Variants in SAMMSON observed in about 807,000 individuals in gnomAD.
SAMMSON encodes the protein long intergenic non-protein coding RNA 1212.
intron 4 of SAMMSON, among the ~76,000 whole-genome samples, chr3:70,170,826 T>G (rs1195854465): frequency 6.6e-6 from 1 of 151,892 alleles, no homozygotes; most frequent in African/African-American, 2.4e-5. Context: ...GATGTTTTGG[T>G]GATCTGCAAT....
intron 2 of SAMMSON, among the ~76,000 whole-genome samples, chr3:70,401,027 A>G (rs1428964940): frequency 1.3e-5 from 2 of 152,198 alleles, no homozygotes; most frequent in Admixed American, 6.6e-5. Context: ...TTTATAGTAC[A>G]GTTTAAGACT....
At chr3:70,088,369 A>C (rs2067293153) in intron 4 of SAMMSON, among the ~76,000 whole-genome samples, 1 of 152,178 alleles carries the variant, frequency 6.6e-6, no homozygotes, top group African/African-American at 2.4e-5. Context: ...AGAGTGGATT[A>C]AGGGATAGTT....
chr3:70,382,667 A>G (rs1703081786), intron 9 of SAMMSON, among the ~76,000 whole-genome samples: 1 of 151,896 alleles, frequency 6.6e-6, no homozygotes, highest in African/African-American at 2.4e-5. Flanking sequence ...CTTGTTTAGT[A>G]ATTTAGTTTA....
At chr3:70,406,491 A>T (rs1184557237) in intron 2 of SAMMSON, among the ~76,000 whole-genome samples, 2 of 152,176 alleles carry the variant, frequency 1.3e-5, no homozygotes, top group Admixed American at 1.3e-4. Flanking sequence ...AACATTTTTT[A>T]AAAAGATAGT....
chr3:70,052,432 T>G (rs2067150121), intron 3 of SAMMSON, among the ~76,000 whole-genome samples: 1 of 151,992 alleles, frequency 6.6e-6, no homozygotes, highest in African/African-American at 2.4e-5. Context: ...TAGAAAAAAA[T>G]GGGAGAGTAA....
chr3:70,069,971 G>T (rs554048238), intron 3 of SAMMSON: 18 of 152,148 alleles, frequency 1.2e-4, no homozygotes, highest in African/African-American at 3.6e-4. Flanking sequence ...ACTTCCTTCT[G>T]ATCTGAGTCA....
intron 7 of SAMMSON, among the ~76,000 whole-genome samples, chr3:70,331,516 A>T (rs1702621239): frequency 6.6e-6 from 1 of 152,204 alleles, no homozygotes; most frequent in African/African-American, 2.4e-5. Flanking sequence ...AGCTCTTGAC[A>T]CCTCACTGTA....
At chr3:70,297,661 G>A (rs1357728883) in intron 7 of SAMMSON, among the ~76,000 whole-genome samples, 3 of 152,010 alleles carry the variant, frequency 2.0e-5, no homozygotes, top group Non-Finnish European at 4.4e-5. Flanking sequence ...CCTCCCTTAT[G>A]TAAAACGAGG....
chr3:70,283,796 A>G (rs1420104145), intron 6 of SAMMSON: 2 of 151,984 alleles, frequency 1.3e-5, no homozygotes, highest in Non-Finnish European at 2.9e-5. Context: ...GAGAGAGAAG[A>G]AAAAGAAAAA....
chr3:70,251,180 T>C (rs1348018383), intron 6 of SAMMSON, among the ~76,000 whole-genome samples: 1 of 152,196 alleles, frequency 6.6e-6, no homozygotes, highest in African/African-American at 2.4e-5. Context: ...GCCCACATCT[T>C]TGGAGACAGA....
intron 7 of SAMMSON, among the ~76,000 whole-genome samples, chr3:70,314,077 C>G (rs1702478204): frequency 6.6e-6 from 1 of 152,100 alleles, no homozygotes; most frequent in South Asian, 2.1e-4. Flanking sequence ...ATGATCTTAC[C>G]CTTCTCTGAT....
chr3:70,207,411 A>G (rs1285925455), intron 4 of SAMMSON, among the ~76,000 whole-genome samples: 3 of 151,974 alleles, frequency 2.0e-5, no homozygotes, highest in Non-Finnish European at 4.4e-5. Context: ...AACATGCTTT[A>G]TTTCCACATA....
intron 9 of SAMMSON, among the ~76,000 whole-genome samples, chr3:70,371,071 G>A (rs1246263409): frequency 1.3e-5 from 2 of 152,036 alleles, no homozygotes; most frequent in African/African-American, 4.8e-5. Flanking sequence ...TGAAGAGGAT[G>A]TCCTTTCCCC....
At chr3:70,187,538 C>G (rs1050446342) in intron 4 of SAMMSON, among the ~76,000 whole-genome samples, 1 of 148,572 alleles carries the variant, frequency 6.7e-6, no homozygotes, top group African/African-American at 2.5e-5. Context: ...CCCGGGTTCA[C>G]GCCATTCTCC....
chr3:70,070,940 G>T (rs1473552514), intron 3 of SAMMSON, among the ~76,000 whole-genome samples: 2 of 151,856 alleles, frequency 1.3e-5, no homozygotes, highest in East Asian at 3.9e-4. Context: ...CTTAAAAAGG[G>T]GTTAAATTTT....
At chr3:70,279,936 T>C (rs955414916) in intron 6 of SAMMSON, among the ~76,000 whole-genome samples, 4 of 152,172 alleles carry the variant, frequency 2.6e-5, no homozygotes, top group African/African-American at 9.7e-5. Flanking sequence ...GATCCTGTCT[T>C]TGCTCCATTA....
chr3:70,344,124 C>A (rs1184603501), intron 7 of SAMMSON, among the ~76,000 whole-genome samples: 1 of 151,826 alleles, frequency 6.6e-6, no homozygotes, highest in Admixed American at 6.6e-5. Flanking sequence ...CACCAAAGAC[C>A]CCACCCTCAA....
intron 6 of SAMMSON, chr3:70,283,755 A>T (rs1364631376): frequency 1.3e-5 from 2 of 150,454 alleles, no homozygotes; most frequent in Non-Finnish European, 2.9e-5. Flanking sequence ...AATAAAGAGT[A>T]TGTAATGCTT....
intron 4 of SAMMSON, among the ~76,000 whole-genome samples, chr3:70,248,364 A>G (rs1199253797): frequency 6.6e-6 from 1 of 152,088 alleles, no homozygotes; most frequent in African/African-American, 2.4e-5. Context: ...TTTGAAAAGC[A>G]TGTTATATTG....
Sources: allele counts gnomAD v4.1 joint callset (sites outside exome capture counted in the v4.1 genomes callset), GRCh38; gene constraint gnomAD v4.1.1; transcripts MANE v1.5; gene names NCBI Gene and HGNC (gene_info 2026-07-23, HGNC 2026-07-21).